ODAD2: variants seen among roughly 807,000 people sequenced by gnomAD.
ODAD2 encodes outer dynein arm docking complex subunit 2, also known as outer dynein arm-docking complex subunit 2.
A neutral mutation model predicts 106.8 loss-of-function variants in ODAD2; 89 were observed. The observed-to-expected ratio is 0.83, with a 90% CI of 0.70 to 0.99. The LOEUF (loss-of-function observed/expected upper bound fraction) is 0.99, where lower values mean the gene tolerates loss of function less well. ODAD2 is among the 50% of genes least tolerant of loss of function. ODAD2 has a pLI of 0.00. For missense variants in ODAD2, 1,168 were observed against 1,238.5 expected (o/e 0.94, Z 0.85); for synonymous variants, 404 against 436.2 (o/e 0.93, Z 0.92).
chr10:27,871,504 CT>C (rs1840884059), intron 17 of ODAD2, among the ~76,000 whole-genome samples: 1 of 152,176 alleles, frequency 6.6e-6, no homozygotes, highest in Admixed American at 6.5e-5. Context: ...ACATTTAAGT[CT>C]TTAATCCATC....
intron 19 of ODAD2, among the ~76,000 whole-genome samples, chr10:27,858,803 A>ATTTTTTTTTT (rs9299592): frequency 7.8e-6 from 1 of 128,792 alleles, no homozygotes; most frequent in Admixed American, 8.4e-5. Context: ...ACCTTAGTAC[A>ATTTTTTTTTT]TTTTTTTTTT....
chr10:27,820,476 G>C (rs1377458682), intron 19 of ODAD2, among the ~76,000 whole-genome samples: 1 of 151,976 alleles, frequency 6.6e-6, no homozygotes, highest in Non-Finnish European at 1.5e-5. Context: ...CTGTGTGTTG[G>C]CTATTCCCGG....
intron 17 of ODAD2, among the ~76,000 whole-genome samples, chr10:27,874,346 T>C (rs951115435): frequency 1.3e-5 from 2 of 152,184 alleles, no homozygotes. Flanking sequence ...GAGCATTTAG[T>C]CTATTTACAT....
chr10:27,963,649 T>C (rs60666079), intron 9 of ODAD2, among the ~76,000 whole-genome samples: 3,892 of 152,256 alleles, frequency 0.026, 152 homozygotes, highest in African/African-American at 0.079. Flanking sequence ...TAATAGACTA[T>C]TTATGGTCTT....
intron 18 of ODAD2, 44 bp from the exon 19 acceptor site, chr10:27,860,890 C>A: frequency 6.5e-7 from 1 of 1,527,280 alleles, no homozygotes; most frequent in Non-Finnish European, 9.1e-7. Flanking sequence ...TTGTAATGAC[C>A]CTGCAAGATC....
At chr10:27,977,893 T>C (rs1349020210) in intron 7 of ODAD2, among the ~76,000 whole-genome samples, 1 of 152,198 alleles carries the variant, frequency 6.6e-6, no homozygotes, top group Non-Finnish European at 1.5e-5. Context: ...ATGATGAGTA[T>C]GTGGAAGAAC....
At chr10:27,856,955 G>A (rs575447995) in intron 19 of ODAD2, among the ~76,000 whole-genome samples, 44 of 152,154 alleles carry the variant, frequency 2.9e-4, no homozygotes, top group Non-Finnish European at 5.3e-4. Flanking sequence ...CGACAAGACC[G>A]AAACTCCGTC....
chr10:27,818,394 A>G (rs1836307268), intron 19 of ODAD2, among the ~76,000 whole-genome samples: 2 of 152,090 alleles, frequency 1.3e-5, no homozygotes, highest in South Asian at 4.1e-4. Context: ...AGGGTTCATG[A>G]GTCCCTGTCT....
chr10:27,812,232 T>G lies in ODAD2; in HGVS notation c.*280A>C. The G allele has an allele frequency of 2.8e-6, 1 of 360,804 alleles. No individual in the cohort carries two copies. Among genetic ancestry groups the G allele is most frequent in the South Asian group, 3.9e-5 (1 of 25,914 alleles). 22.4% of individuals were successfully genotyped at this position (360,804 alleles called of 1,614,324 possible). The stretch of plus-strand genomic sequence containing the variant: ...TACAAAAGCATCACTGAACTAAAAA[T>G]ACATCATATACGTATATTCTCATAT... On this transcript the variant is annotated 3_prime_UTR_variant, in exon 20 of 20. Transcript: ENST00000305242.
At chr10:27,821,343 G>A (rs1275181794) in intron 19 of ODAD2, among the ~76,000 whole-genome samples, 2 of 152,074 alleles carry the variant, frequency 1.3e-5, no homozygotes, top group African/African-American at 4.8e-5. Flanking sequence ...ACACCCAGAG[G>A]GGCTAGGCAT....
At chr10:27,844,706 A>G (rs1310092833) in intron 19 of ODAD2, among the ~76,000 whole-genome samples, 1 of 152,246 alleles carries the variant, frequency 6.6e-6, no homozygotes, top group African/African-American at 2.4e-5. Context: ...ATGTGCTTTT[A>G]GAATAAATGT....
At chr10:27,978,989 T>C (rs1417486445) in intron 7 of ODAD2, among the ~76,000 whole-genome samples, 2 of 151,716 alleles carry the variant, frequency 1.3e-5, no homozygotes, top group Admixed American at 6.6e-5. Flanking sequence ...GCAAGCAGAT[T>C]ACTTGAGGCC....
chr10:27,848,250 C>A lies in ODAD2; in HGVS notation c.3021+12375G>T, dbSNP rs542047011. Among the ~76,000 whole-genome samples the A allele has an allele frequency of 9.2e-5, 14 of 152,134 alleles. No homozygotes were observed. The South Asian group carries it at 2.7e-3, about 29-fold the overall frequency. On this transcript the variant is annotated intron_variant, in intron 19 of 19. Transcript: ENST00000305242. Reference sequence around the variant, plus strand: ...TATAGACAAATGAAAGAGAACAGAGCCCTCAGAAATAATACTACACATCTA... The same window carrying A: ...TATAGACAAATGAAAGAGAACAGAGACCTCAGAAATAATACTACACATCTA...
chr10:27,873,182 C>T (rs35166439), intron 17 of ODAD2, among the ~76,000 whole-genome samples: 2 of 144,972 alleles, frequency 1.4e-5, no homozygotes, highest in Non-Finnish European at 3.0e-5. Context: ...GTTTGTATTT[C>T]TGTGGGATCG....
chr10:27,878,521 A>G (rs945091439), intron 17 of ODAD2, among the ~76,000 whole-genome samples: 10 of 152,308 alleles, frequency 6.6e-5, no homozygotes, highest in South Asian at 4.1e-4. Context: ...CGAGCGTAAC[A>G]TGACTCAAGA....
intron 19 of ODAD2, among the ~76,000 whole-genome samples, chr10:27,841,026 A>C (rs1046263028): frequency 1.3e-5 from 2 of 152,166 alleles, no homozygotes; most frequent in African/African-American, 4.8e-5. Flanking sequence ...TCAGTAATTG[A>C]TTGTTATTCT....
intron 19 of ODAD2, among the ~76,000 whole-genome samples, chr10:27,831,667 C>T (rs1435558024): frequency 2.6e-5 from 4 of 152,348 alleles, no homozygotes; most frequent in Non-Finnish European, 5.9e-5. Context: ...CCTTGGCGTA[C>T]GTGCCCACAC....
chr10:27,861,410 T>C (rs1840031997), intron 18 of ODAD2, among the ~76,000 whole-genome samples: 1 of 152,224 alleles, frequency 6.6e-6, no homozygotes, highest in African/African-American at 2.4e-5. Context: ...CATCAGTCAT[T>C]AGCTCAAGGC....
chr10:27,827,626 TCCAC>T (rs1264576147), intron 19 of ODAD2, among the ~76,000 whole-genome samples: 1 of 152,014 alleles, frequency 6.6e-6, no homozygotes, highest in Non-Finnish European at 1.5e-5. Flanking sequence ...ATCTCTTGAA[TCCAC>T]CCATTTCTCT....
Sources: gnomAD v4.1 joint callset for allele counts (sites outside exome capture counted in the v4.1 genomes callset) on GRCh38, gnomAD v4.1.1 for gene constraint, MANE v1.5 for transcripts, NCBI Gene and HGNC (gene_info 2026-07-23, HGNC 2026-07-21) for gene names.